The following MEI1 variants were observed in gnomAD, a reference collection of about 807,000 sequenced individuals.
The protein encoded by MEI1 is meiotic double-stranded break formation protein 1, also known as meiosis inhibitor protein 1.
MEI1 carries 103 observed loss-of-function variants against 146.2 expected under a neutral mutation model. That is an observed-to-expected ratio of 0.70 (90% CI 0.60 to 0.83). MEI1 has a LOEUF of 0.83. Among genes scored for constraint, MEI1 ranks in the 40% least tolerant of loss-of-function variants. MEI1 has a pLI of 0.00. For missense variants in MEI1, 1,529 were observed against 1,533.0 expected, an observed-to-expected ratio of 1.00 and a Z score of 0.04; for synonymous variants, 652 against 628.2, an observed-to-expected ratio of 1.04 and a Z score of -0.57.
intron 24 of MEI1, among the ~76,000 whole-genome samples, chr22:41,782,437 G>A (rs126092): frequency 0.33 from 49,933 of 152,042 alleles, 10,163 homozygotes; most frequent in African/African-American, 0.54. Context: ...CAGGGAAGAG[G>A]AGAGCAGTGG....
intron 6 of MEI1, among the ~76,000 whole-genome samples, chr22:41,722,413 T>C (rs2070939868): frequency 1.3e-5 from 2 of 151,946 alleles, no homozygotes; most frequent in South Asian, 4.1e-4. Flanking sequence ...TCCTCTCACC[T>C]TGATCTCCCA....
In MEI1 at chr22:41,718,300, G is replaced by T. The variant is rs551965528; in HGVS notation, c.733+26G>T. On this transcript the variant is annotated intron_variant, in intron 6 of 30. Transcript: ENST00000401548. Reference sequence around the variant, plus strand: ...GTAAGACATGAGGCTGGAGAAAAAAGGGAGAATAAGTTTTTGACATTTTGC... The same window carrying T: ...GTAAGACATGAGGCTGGAGAAAAAATGGAGAATAAGTTTTTGACATTTTGC... 1.0e-4 allele frequency: 160 copies of T among 1,605,086 alleles called. 2 individuals are homozygous for T. In the South Asian group the frequency reaches 1.6e-3, roughly 16 times the overall value.
intron 26 of MEI1, among the ~76,000 whole-genome samples, chr22:41,789,891 C>T (rs993238324): frequency 2.6e-4 from 40 of 152,122 alleles, no homozygotes; most frequent in Admixed American, 3.3e-4. Context: ...CAGTGACTGC[C>T]CTATAATTGC....
At chr22:41,762,082 T>A (rs558209075) in intron 18 of MEI1, among the ~76,000 whole-genome samples, 1 of 152,348 alleles carries the variant, frequency 6.6e-6, no homozygotes, top group African/African-American at 2.4e-5. Context: ...TGAATAGTGC[T>A]GTTGTAAACA....
At chr22:41,739,569 G>A (rs1002612090) in intron 11 of MEI1, among the ~76,000 whole-genome samples, 11 of 135,516 alleles carry the variant, frequency 8.1e-5, no homozygotes, top group African/African-American at 3.7e-4. Context: ...ACAAAAAATA[G>A]CATTTACGTG....
intron 7 of MEI1, among the ~76,000 whole-genome samples, chr22:41,724,616 C>CAA (rs545418662): frequency 6.7e-5 from 5 of 75,002 alleles, no homozygotes; most frequent in Admixed American, 1.4e-4. Flanking sequence ...GACTCTGTCT[C>CAA]AAAAAAAAAA....
chr22:41,721,241 T>C, intron 6 of MEI1, among the ~76,000 whole-genome samples: 1 of 134,610 alleles, frequency 7.4e-6, no homozygotes, highest in Non-Finnish European at 1.6e-5. Flanking sequence ...CCCGTTCTTT[T>C]TTTTTTTTTT....
intron 20 of MEI1, among the ~76,000 whole-genome samples, chr22:41,771,216 G>C (rs1405461350): frequency 6.6e-6 from 1 of 152,146 alleles, no homozygotes; most frequent in African/African-American, 2.4e-5. Flanking sequence ...CCCAGGGGAT[G>C]ACACTATGAA....
intron 18 of MEI1, among the ~76,000 whole-genome samples, chr22:41,760,751 C>T (rs1451957964): frequency 6.6e-6 from 1 of 152,140 alleles, no homozygotes. Context: ...GCAAGGGGTA[C>T]GTGGCAGGGG....
At chr22:41,756,279 C>T (rs1012400978) in intron 17 of MEI1, among the ~76,000 whole-genome samples, 2 of 151,904 alleles carry the variant, frequency 1.3e-5, no homozygotes, top group African/African-American at 2.4e-5. Context: ...GGACTACAAG[C>T]ATATGTCACC....
chr22:41,770,806 G>T lies in MEI1; in HGVS notation c.2389G>T (p.Gly797Trp). Residue 797 changes from glycine to tryptophan, a missense_variant, in exon 20 of 31, where the codon GGG (glycine) becomes TGG (tryptophan). Around this residue, in one of 3 missense-constraint regions of MEI1, gnomAD observed 1,212 missense variants for 1,178.9 expected, o/e 1.03. Transcript: ENST00000401548. ...GTATCCAGAGCTCATGAGTAGGTAT[G>T]GGCACCGTGTCCTGGAACTTTGGTT... ...LLYPELMSRY[G>W]HRVLELWFFW... is the part of the protein sequence containing the mutation. 1 of 1,613,928 alleles carries T rather than the reference G, an allele frequency of 6.2e-7. No homozygotes were observed. The highest frequency in any genetic ancestry group is 8.5e-7 in the Non-Finnish European group (1 of 1,179,880).
At chr22:41,778,028 TCTCCTCCTTTCTTCCTC>T (rs1406110033) in intron 21 of MEI1, among the ~76,000 whole-genome samples, 6 of 150,028 alleles carry the variant, frequency 4.0e-5, no homozygotes, top group Admixed American at 1.3e-4. Context: ...CTTTCTTCCT[TCTCCTCCTTTCTTCCTC>T]CTCCTTCTCC....
intron 11 of MEI1, among the ~76,000 whole-genome samples, chr22:41,736,661 C>T (rs1338568280): frequency 3.3e-5 from 5 of 152,090 alleles, no homozygotes; most frequent in Non-Finnish European, 7.4e-5. Flanking sequence ...TCTCAAAGTA[C>T]TGGGATTACA....
intron 18 of MEI1, among the ~76,000 whole-genome samples, chr22:41,759,098 G>A (rs747736751): frequency 3.9e-5 from 6 of 152,150 alleles, no homozygotes; most frequent in Non-Finnish European, 8.8e-5. Context: ...AGCCAAGATT[G>A]TGCCACTGCA....
chr22:41,758,345 T>C lies in MEI1; in HGVS notation c.1952-20T>C. The stretch of plus-strand genomic sequence containing the variant: ...TTCTATGTTCTCTGTGTGGCTTTCC[T>C]CTACTTATTCCCTCCCTAGAACTCT... On this transcript the variant is annotated intron_variant, in intron 17 of 30. Coordinates refer to ENST00000401548, the MANE Select transcript of MEI1 (RefSeq NM_152513.4). The C allele has an allele frequency of 7.5e-6, 12 of 1,603,924 alleles. No individual in the cohort carries two copies. Among genetic ancestry groups the C allele is most frequent in the Non-Finnish European group, 9.4e-6 (11 of 1,173,112 alleles).
rs2074235348 is a variant in MEI1, at chr22:41,758,389, TG to T, written c.1977del (p.Gln660SerfsTer7). 4 of 1,613,744 alleles carry T rather than the reference TG, an allele frequency of 2.5e-6. No individual in the cohort carries two copies. The highest frequency in any genetic ancestry group is 3.4e-6 in the Non-Finnish European group (4 of 1,179,750). On this transcript the variant is annotated frameshift_variant, in exon 18 of 31. Coordinates refer to ENST00000401548, the MANE Select transcript of MEI1 (RefSeq NM_152513.4). LOFTEE classifies it high-confidence loss of function. ...GAACTCTCTGCAGTGTCTGAGCTCC[TG>T]CAGCATGGGCTGCCCCAGATAAGCA... The part of the protein sequence containing the change: ...KEELSAVSEL[L>X]QHGLPQISSR...
At position 41,729,764 on chromosome 22, in the gene MEI1, C is replaced by G; in HGVS notation, c.964C>G (p.His322Asp). 5 of 1,606,584 alleles carry G rather than the reference C, an allele frequency of 3.1e-6. No individual in the cohort carries two copies. The highest frequency in any genetic ancestry group is 4.2e-6 in the Non-Finnish European group (5 of 1,176,874). Residue 322 changes from histidine (H) to aspartate (D), a missense_variant, in exon 8 of 31, where the codon CAC becomes GAC. Coordinates refer to ENST00000401548, the MANE Select transcript of MEI1 (RefSeq NM_152513.4). ...AGCAAAGCATGCGTCAGCCTTCATC[C>G]ACGCTGACATCCCAGGTAGGGGAAC... ...SPAKHASAFIHADIPEFLFEH... is the reference protein window; with the variant it reads ...SPAKHASAFIDADIPEFLFEH...
Position 41,784,260 on chromosome 22 carries a change from G to A in MEI1, c.3088-79G>A, listed in dbSNP as rs376229976. On this transcript the variant is annotated intron_variant, in intron 24 of 30. Transcript: ENST00000401548. ...AGTGGATATGTGGGGGGAGGTGATA[G>A]AAGAGATTTTCAGGCAGGTTATTTT... is the stretch of plus-strand genomic sequence containing the variant. The A allele has an allele frequency of 1.3e-4, 172 of 1,289,672 alleles. 1 individual carries two copies. Among genetic ancestry groups the A allele is most frequent in the South Asian group, 9.4e-4 (78 of 82,978 alleles). The allele number at this position is 1,289,672 out of a possible 1,614,324, so 79.9% of individuals were successfully genotyped here.
intron 30 of MEI1, among the ~76,000 whole-genome samples, chr22:41,796,718 G>A (rs9607842): frequency 0.17 from 25,472 of 152,130 alleles, 3,099 homozygotes; most frequent in Admixed American, 0.36. Flanking sequence ...GCCAAGTGCG[G>A]TGGCTCACGC....
Sources: allele counts gnomAD v4.1 joint callset (sites outside exome capture counted in the v4.1 genomes callset), GRCh38; gene constraint gnomAD v4.1.1; regional missense constraint gnomAD v4.1.1; transcripts MANE v1.5; gene names NCBI Gene and HGNC (gene_info 2026-07-23, HGNC 2026-07-21).